Variants in ARMC9 observed in about 807,000 individuals in gnomAD.
The protein encoded by ARMC9 is lisH domain-containing protein ARMC9.
In ARMC9, 94 loss-of-function variants were observed where a neutral mutation model predicts 107.0. The ratio of observed to expected loss-of-function variants is 0.88; its 90% CI spans 0.74 to 1.04. ARMC9 has a LOEUF of 1.04. Ranked by LOEUF, ARMC9 falls within the 50% of genes least tolerant of loss-of-function variation. ARMC9 has a pLI of 0.00. For synonymous variants in ARMC9, 380 were observed against 396.9 expected, an observed-to-expected ratio of 0.96 and a Z score of 0.51; for missense variants, 942 against 1,030.1, an observed-to-expected ratio of 0.91 and a Z score of 1.17.
At chr2:231,246,890 T>C (rs2036818524) in intron 9 of ARMC9, among the ~76,000 whole-genome samples, 1 of 152,106 alleles carries the variant, frequency 6.6e-6, no homozygotes, top group Admixed American at 6.5e-5. Context: ...CCTCCTGGGC[T>C]CAGGTGCTCC....
intron 19 of ARMC9, among the ~76,000 whole-genome samples, chr2:231,298,367 G>C (rs918771032): frequency 6.6e-6 from 1 of 152,174 alleles, no homozygotes; most frequent in Admixed American, 6.5e-5. Context: ...CTAGCATTAC[G>C]TTTATAACTG....
chr2:231,316,095 G>A (rs2042657866), intron 19 of ARMC9, among the ~76,000 whole-genome samples: 1 of 151,734 alleles, frequency 6.6e-6, no homozygotes, highest in African/African-American at 2.4e-5. Flanking sequence ...CTACATTTAT[G>A]TTTATTATCA....
rs1221855357 is a variant in ARMC9, at chr2:231,239,939, G to A, written c.781-4G>A. On this transcript the variant is annotated splice_polypyrimidine_tract_variant and splice_region_variant and intron_variant, in intron 8 of 24. Transcript: ENST00000611582. Reference sequence around the variant, plus strand: ...CACCAGATGTCTTTGTATCCTCCTTGCAGATCACCCCTGAGTACCTCCAGA... The same window carrying A: ...CACCAGATGTCTTTGTATCCTCCTTACAGATCACCCCTGAGTACCTCCAGA... 5 of 1,612,930 alleles carry A rather than the reference G, an allele frequency of 3.1e-6. No individual in the cohort carries two copies. The highest frequency in any genetic ancestry group is 4.2e-6 in the Non-Finnish European group (5 of 1,179,100).
intron 20 of ARMC9, among the ~76,000 whole-genome samples, chr2:231,334,706 C>T (rs2043967722): frequency 6.6e-6 from 1 of 151,950 alleles, no homozygotes; most frequent in Non-Finnish European, 1.5e-5. Flanking sequence ...CAGCACTGCC[C>T]CTGTTCATGA....
Position 231,206,891 on chromosome 2 carries a change from A to G in ARMC9, c.51+602A>G, listed in dbSNP as rs141182419. On this transcript the variant is annotated intron_variant, in intron 2 of 24. Transcript: ENST00000611582. The stretch of plus-strand genomic sequence containing the variant: ...CTGCTGCTTAACTGTGTGAGTAACC[A>G]CCTGCAGGTTGCGAGAGCCACGGGC... 4.2e-3 allele frequency among the ~76,000 whole-genome samples: 634 copies of G among 152,332 alleles called. 7 individuals carry two copies. The highest frequency in any genetic ancestry group is 0.014 in the African/African-American group (601 of 41,566).
chr2:231,289,518 G>A lies in ARMC9; in HGVS notation c.1627-1835G>A, dbSNP rs72985818. Among the ~76,000 whole-genome samples, 3,040 of 152,218 alleles carry A rather than the reference G, an allele frequency of 0.02. 192 individuals carry two copies. The East Asian group carries it at 0.25, about 13-fold the overall frequency. On this transcript the variant is annotated intron_variant, in intron 17 of 24. Transcript: ENST00000611582. ...AAAGGGGCTTATCACACTGCTTTTT[G>A]CTTGATAACTTTCTCCTTCCTGTGG...
At chr2:231,254,542 A>G (rs1356502806) in intron 9 of ARMC9, among the ~76,000 whole-genome samples, 2 of 151,918 alleles carry the variant, frequency 1.3e-5, no homozygotes, top group Admixed American at 1.3e-4. Flanking sequence ...AGTAAGTACA[A>G]GCATGGTGGC....
At chr2:231,294,449 G>C (rs1344919153) in intron 18 of ARMC9, 1 of 152,334 alleles carries the variant, frequency 6.6e-6, no homozygotes, top group Admixed American at 6.5e-5. Context: ...AGATATCGGA[G>C]TGCGGGCACC....
At position 231,373,179 on chromosome 2, in the gene ARMC9, G is replaced by T; in HGVS notation, c.*1644G>T. On this transcript the variant is annotated 3_prime_UTR_variant, in exon 25 of 25. Coordinates refer to ENST00000611582, the MANE Select transcript of ARMC9 (RefSeq NM_001352754.2). The surrounding 1 kb of genome is among the most constrained non-coding windows in gnomAD (Gnocchi z 4.4). ...ACTCCTCACTTGACCCGGAGGCATT[G>T]GGAGCAAACACAAAGCTCGCCCCTG... 1 of 152,346 alleles carries T rather than the reference G, an allele frequency of 6.6e-6. No individual in the cohort carries two copies. The allele number at this position is 152,346 out of a possible 1,614,324, so 9.4% of individuals were successfully genotyped here.
chr2:231,329,299 T>C (rs2043557754), intron 19 of ARMC9, among the ~76,000 whole-genome samples: 1 of 152,120 alleles, frequency 6.6e-6, no homozygotes. Flanking sequence ...TTTATTTGAA[T>C]TTTTGATTTC....
At chr2:231,262,012 C>T (rs2038406059) in intron 11 of ARMC9, among the ~76,000 whole-genome samples, 1 of 151,956 alleles carries the variant, frequency 6.6e-6, no homozygotes, top group Non-Finnish European at 1.5e-5. Context: ...TTAGTAGAGA[C>T]AGGGTTTCAC....
chr2:231,233,725 G>A (rs1047812115), intron 7 of ARMC9, among the ~76,000 whole-genome samples: 16 of 151,736 alleles, frequency 1.1e-4, no homozygotes, highest in African/African-American at 2.9e-4. Flanking sequence ...GCAGTGAGCC[G>A]AGATCACGCC....
chr2:231,371,231 G>A (rs1351478467), intron 24 of ARMC9, among the ~76,000 whole-genome samples: 1 of 152,258 alleles, frequency 6.6e-6, no homozygotes, highest in African/African-American at 2.4e-5. Context: ...CGTGGCCACG[G>A]TGTGGACAGC....
chr2:231,220,596 C>CAA lies in ARMC9; in HGVS notation c.505-2109_505-2108dup, dbSNP rs71396668. Among the ~76,000 whole-genome samples, 367 of 65,880 alleles carry CAA rather than the reference C, an allele frequency of 5.6e-3. 4 individuals are homozygous for CAA. The highest frequency in any genetic ancestry group is 0.014 in the African/African-American group (239 of 17,616). 43.2% of individuals were successfully genotyped at this position (65,880 alleles called of 152,430 possible). ...TGGGCAACAGAGCGAGACTCCATCT[C>CAA]AAAAAAAAAAAAAAAAAAAAAAAAT... On this transcript the variant is annotated intron_variant, in intron 5 of 24. Coordinates refer to ENST00000611582, the MANE Select transcript of ARMC9 (RefSeq NM_001352754.2).
rs2046206810 is a variant in ARMC9 at position 231,376,653 on chromosome 2, C to T, written c.*5118C>T. On this transcript the variant is annotated 3_prime_UTR_variant, in exon 25 of 25. Transcript: ENST00000611582. ...TGCCTTGGTCCTGTGGTCCTGTGAT[C>T]TCGCCCTGCCTCCACTTGCCTTGTG... Among the ~76,000 whole-genome samples, 1 of 152,188 alleles carries T rather than the reference C, an allele frequency of 6.6e-6. No individual in the cohort carries two copies.
At chr2:231,311,687 T>C (rs531436518) in intron 19 of ARMC9, among the ~76,000 whole-genome samples, 19 of 148,736 alleles carry the variant, frequency 1.3e-4, no homozygotes, top group Non-Finnish European at 2.2e-4. Context: ...TGAGAATCGC[T>C]TGAATCCGGG....
chr2:231,349,030 C>T (rs1046692400), intron 21 of ARMC9, among the ~76,000 whole-genome samples: 3 of 152,170 alleles, frequency 2.0e-5, no homozygotes, highest in African/African-American at 7.2e-5. Context: ...TTGGAGATTC[C>T]TCAAAGAACT....
chr2:231,296,993 G>A (rs564754329), intron 19 of ARMC9, among the ~76,000 whole-genome samples: 136 of 152,290 alleles, frequency 8.9e-4, no homozygotes, highest in Non-Finnish European at 1.7e-3. Context: ...ATTTTGGGGG[G>A]AGCATTCACT....
intron 11 of ARMC9, among the ~76,000 whole-genome samples, chr2:231,261,380 A>G (rs1237469451): frequency 6.6e-6 from 1 of 152,220 alleles, no homozygotes; most frequent in African/African-American, 2.4e-5. Context: ...TCTAAAATCT[A>G]CAAAATTCTA....
Sources: gnomAD v4.1 joint callset for allele counts (sites outside exome capture counted in the v4.1 genomes callset) on GRCh38, gnomAD v4.1.1 for gene constraint, Gnocchi (gnomAD v3.1) non-coding constraint, MANE v1.5 for transcripts, NCBI Gene and HGNC (gene_info 2026-07-23, HGNC 2026-07-21) for gene names.